The following MYO5A variants were observed in gnomAD, a reference collection of about 807,000 sequenced individuals.
MYO5A encodes unconventional myosin-Va.
Under a neutral mutation model 249.7 loss-of-function variants are expected in MYO5A, and 98 were observed. The ratio of observed to expected loss-of-function variants is 0.39; its 90% confidence interval spans 0.33 to 0.46. The LOEUF (loss-of-function observed/expected upper bound fraction) is 0.46. Ranked by LOEUF, MYO5A falls within the 20% of genes least tolerant of loss-of-function variation. MYO5A has a pLI of 0.98. For synonymous variants in MYO5A, 778 were observed against 810.6 expected (o/e 0.96, Z 0.68); for missense variants, 1,696 against 2,308.8 (o/e 0.73, Z 5.44).
In MYO5A at chr15:52,510,946, A is replaced by T. The variant is rs545712006; in HGVS notation, c.27+17834T>A. On this transcript the variant is annotated intron_variant, in intron 1 of 41. Coordinates refer to ENST00000399233, the MANE Select transcript of MYO5A (RefSeq NM_001382347.1). ...CTCAAATGAGACATCCTAATCCTCA[A>T]TCTAACCAGCTAAGCTGTACTATAC... 7.2e-5 allele frequency among the ~76,000 whole-genome samples: 11 copies of T among 152,338 alleles called. No individual in the cohort carries two copies. In the East Asian group the frequency reaches 1.9e-3, roughly 27 times the overall value.
At chr15:52,431,316 C>T (rs2075530554) in intron 2 of MYO5A, among the ~76,000 whole-genome samples, 1 of 150,186 alleles carries the variant, frequency 6.7e-6, no homozygotes, top group Admixed American at 6.7e-5. Flanking sequence ...CTTCTTGAGC[C>T]CAGCAGTTCA....
chr15:52,437,615 A>AAG (rs1567126101), intron 1 of MYO5A, among the ~76,000 whole-genome samples: 25 of 137,886 alleles, frequency 1.8e-4, no homozygotes, highest in African/African-American at 5.2e-4. Context: ...AAAAAAAAAA[A>AAG]AGAGAGAGAG....
At chr15:52,367,577 A>C (rs1417442813) in intron 22 of MYO5A, among the ~76,000 whole-genome samples, 1 of 152,202 alleles carries the variant, frequency 6.6e-6, no homozygotes, top group African/African-American at 2.4e-5. Context: ...ATGCTTTCAC[A>C]CAAAGCTTAT....
In MYO5A at chr15:52,310,686, G is replaced by C. The variant is rs140407383; in HGVS notation, c.*3010C>G. ...AGCAGGCAACGGGATAGACGATTAA[G>C]TTGAGGGAAGGGGAAGAGTGAATGA... On this transcript the variant is annotated 3_prime_UTR_variant, in exon 42 of 42. Transcript: ENST00000399233. The C allele has an allele frequency of 3.9e-5, 6 of 152,308 alleles. No homozygotes were observed. In the East Asian group the frequency reaches 1.2e-3, roughly 29 times the overall value. 9.4% of individuals were successfully genotyped at this position (152,308 alleles called of 1,614,324 possible).
At chr15:52,428,277 G>T in intron 3 of MYO5A, 121 bp downstream of exon 3, 1 of 1,008,898 alleles carries the variant, frequency 9.9e-7, no homozygotes, top group Non-Finnish European at 1.5e-6. Context: ...TAACGCTCAA[G>T]TGATTTTGTC....
At chr15:52,352,696 T>C (rs2040017147) in intron 27 of MYO5A, among the ~76,000 whole-genome samples, 1 of 151,614 alleles carries the variant, frequency 6.6e-6, no homozygotes, top group Admixed American at 6.6e-5. Context: ...GGCAGGAGAA[T>C]GGCATGAACC....
At chr15:52,450,497 T>C (rs1252867614) in intron 1 of MYO5A, among the ~76,000 whole-genome samples, 1 of 151,460 alleles carries the variant, frequency 6.6e-6, no homozygotes, top group Non-Finnish European at 1.5e-5. Flanking sequence ...TGAAACCCTG[T>C]CTCTACCAAA....
chr15:52,365,189 C>G (rs1409203729), intron 23 of MYO5A, among the ~76,000 whole-genome samples: 2 of 152,232 alleles, frequency 1.3e-5, no homozygotes, highest in Non-Finnish European at 2.9e-5. Flanking sequence ...TTTACCATCT[C>G]ACAGTTCTGT....
chr15:52,527,065 T>G (rs2077742202), intron 1 of MYO5A, among the ~76,000 whole-genome samples: 1 of 152,142 alleles, frequency 6.6e-6, no homozygotes, highest in South Asian at 2.1e-4. Flanking sequence ...TTAAGAAAGT[T>G]TATGAATTTG....
chr15:52,333,571 G>T lies in MYO5A; in HGVS notation c.4408+2892C>A, dbSNP rs141758187. On this transcript the variant is annotated intron_variant, in intron 34 of 41. Coordinates refer to ENST00000399233, the MANE Select transcript of MYO5A (RefSeq NM_001382347.1). ...TAATTGATTTCTAGAATCCTTTCAG[G>T]TCTTAATTTCTTGATTCCATGAAAA... is the stretch of plus-strand genomic sequence containing the variant. 5.9e-3 allele frequency among the ~76,000 whole-genome samples: 902 copies of T among 152,190 alleles called. 10 individuals are homozygous for T. The highest frequency in any genetic ancestry group is 0.021 in the African/African-American group (863 of 41,504).
At chr15:52,423,615 G>A (rs960588496) in intron 4 of MYO5A, among the ~76,000 whole-genome samples, 10 of 151,820 alleles carry the variant, frequency 6.6e-5, no homozygotes, top group African/African-American at 2.2e-4. Context: ...CTGACTGTAA[G>A]CCTGAATAGA....
chr15:52,387,713 T>C (rs778761386), intron 14 of MYO5A, 116 bp downstream of exon 14: 27 of 787,436 alleles, frequency 3.4e-5, no homozygotes, highest in Non-Finnish European at 5.6e-5. Flanking sequence ...TACTAAGTGT[T>C]ATATATTTGG....
intron 40 of MYO5A, among the ~76,000 whole-genome samples, chr15:52,314,407 G>C (rs1233861055): frequency 6.6e-6 from 1 of 152,220 alleles, no homozygotes; most frequent in East Asian, 1.9e-4. Context: ...TAATGTTTGT[G>C]TAATATTGTA....
At chr15:52,409,738 A>G (rs1302002092) in intron 6 of MYO5A, among the ~76,000 whole-genome samples, 1 of 152,210 alleles carries the variant, frequency 6.6e-6, no homozygotes, top group Non-Finnish European at 1.5e-5. Context: ...ATATAAATGT[A>G]TGCCTGCTAG....
Position 52,444,949 on chromosome 15 carries a change from C to CA in MYO5A, c.28-11665dup, listed in dbSNP as rs2075857236. 2.6e-5 allele frequency among the ~76,000 whole-genome samples: 4 copies of CA among 152,314 alleles called. No individual in the cohort carries two copies. The South Asian group carries it at 8.3e-4, about 32-fold the overall frequency. On this transcript the variant is annotated intron_variant, in intron 1 of 41. Transcript: ENST00000399233. Reference sequence around the variant, plus strand: ...AGACAATATGGATAAGGTGCCAAAACAGTACCTGGGAAATAATAGACAGGT... The same window carrying CA: ...AGACAATATGGATAAGGTGCCAAAACAAGTACCTGGGAAATAATAGACAGGT...
At chr15:52,474,125 C>T (rs552623984) in intron 1 of MYO5A, among the ~76,000 whole-genome samples, 72 of 152,184 alleles carry the variant, frequency 4.7e-4, no homozygotes, top group Non-Finnish European at 7.8e-4. Flanking sequence ...AAGTTGGATT[C>T]CTAGGTATTT....
chr15:52,397,830 T>C (rs1348140506), intron 9 of MYO5A, among the ~76,000 whole-genome samples: 4 of 152,220 alleles, frequency 2.6e-5, no homozygotes, highest in Non-Finnish European at 5.9e-5. Flanking sequence ...ACATGGTCCC[T>C]GCCCTCCTAG....
chr15:52,405,258 C>T (rs939936566), intron 9 of MYO5A, 29 bp downstream of exon 9: 1 of 1,470,336 alleles, frequency 6.8e-7, no homozygotes, highest in African/African-American at 1.4e-5. Flanking sequence ...ATTCAACTGC[C>T]ATCCCACTAA....
intron 1 of MYO5A, among the ~76,000 whole-genome samples, chr15:52,482,921 C>T (rs1004535770): frequency 2.0e-5 from 3 of 152,136 alleles, no homozygotes; most frequent in African/African-American, 4.8e-5. Context: ...TTGCAATGGA[C>T]TGATACTCAA....
Sources: allele counts gnomAD v4.1 joint callset (sites outside exome capture counted in the v4.1 genomes callset), GRCh38; gene constraint gnomAD v4.1.1; transcripts MANE v1.5; gene names NCBI Gene and HGNC (gene_info 2026-07-23, HGNC 2026-07-21).